PDS5A: variants seen among roughly 807,000 people sequenced by gnomAD.
PDS5A encodes the protein PDS5 cohesin associated factor A.
A neutral mutation model predicts 167.1 loss-of-function variants in PDS5A; 42 were observed. The observed-to-expected ratio is 0.25, with a 90% CI of 0.20 to 0.33. PDS5A has a LOEUF of 0.33. PDS5A is among the 10% of genes least tolerant of loss of function. PDS5A has a pLI of 1.00. For synonymous variants in PDS5A, 553 were observed against 554.6 expected (o/e 1.00, Z 0.04); for missense variants, 1,033 against 1,605.9 (o/e 0.64, Z 6.10).
At chr4:39,933,992 G>T (rs1425838989) in intron 2 of PDS5A, among the ~76,000 whole-genome samples, 3 of 152,182 alleles carry the variant, frequency 2.0e-5, no homozygotes, top group African/African-American at 7.2e-5. Context: ...GTGCGGGCAG[G>T]CACATACACA....
intron 32 of PDS5A, 97 bp from the exon 33 acceptor site, chr4:39,825,585 T>A: frequency 5.6e-5 from 10 of 177,480 alleles, no homozygotes; most frequent in Non-Finnish European, 9.6e-5. Context: ...ATCTAAAATC[T>A]TTTTTTTTTT....
At chr4:39,930,479 A>G (rs1725958110) in intron 2 of PDS5A, among the ~76,000 whole-genome samples, 1 of 151,946 alleles carries the variant, frequency 6.6e-6, no homozygotes, top group Admixed American at 6.6e-5. Flanking sequence ...CTGATTTTCT[A>G]ATTTTAATTC....
intron 11 of PDS5A, among the ~76,000 whole-genome samples, chr4:39,907,594 T>TC (rs1174428932): frequency 1.3e-5 from 2 of 151,294 alleles, no homozygotes; most frequent in African/African-American, 2.4e-5. Context: ...TCTTTTCTTT[T>TC]TTTTTTTTTT....
chr4:39,862,090 A>G, intron 26 of PDS5A, 129 bp downstream of exon 26: 1 of 394,758 alleles, frequency 2.5e-6, no homozygotes, highest in Non-Finnish European at 4.6e-6. Flanking sequence ...AATTTATAAT[A>G]AATGAATAAA....
At chr4:39,865,427 C>T (rs547161811) in intron 23 of PDS5A, among the ~76,000 whole-genome samples, 82 of 152,302 alleles carry the variant, frequency 5.4e-4, no homozygotes, top group African/African-American at 1.9e-3. Flanking sequence ...TAGTGGTGCA[C>T]ACCTATAGTC....
At position 39,866,917 on chromosome 4, in the gene PDS5A, C is replaced by A. The variant is rs1472232301; in HGVS notation, c.2586G>T (p.Arg862=). Residue 862 remains arginine (R), a synonymous_variant, in exon 23 of 33, where the codon CGG becomes CGT. Coordinates refer to ENST00000303538, the MANE Select transcript of PDS5A (RefSeq NM_001100399.2). ...NQSKSANSTL[R]LLSAMLVSEG... Reference sequence around the variant, plus strand: ...CACTAACCAACATCGCTGATAATAACCGAAGGGTTGAATTGGCAGATTTAG... The same window carrying A: ...CACTAACCAACATCGCTGATAATAAACGAAGGGTTGAATTGGCAGATTTAG... The A allele has an allele frequency of 1.2e-6, 2 of 1,613,174 alleles. No individual in the cohort carries two copies. The highest frequency in any genetic ancestry group is 8.5e-7 in the Non-Finnish European group (1 of 1,179,522).
intron 12 of PDS5A, among the ~76,000 whole-genome samples, chr4:39,902,777 C>T (rs1050676350): frequency 7.2e-5 from 11 of 152,098 alleles, no homozygotes; most frequent in South Asian, 2.1e-4. Context: ...CCTGCCTTAG[C>T]GTCCTGAAGT....
At chr4:39,936,234 T>C (rs1184222642) in intron 2 of PDS5A, among the ~76,000 whole-genome samples, 1 of 152,194 alleles carries the variant, frequency 6.6e-6, no homozygotes, top group African/African-American at 2.4e-5. Context: ...TTCAATTCAG[T>C]TCTGACACTA....
chr4:39,860,888 A>G (rs1718928237), intron 26 of PDS5A, among the ~76,000 whole-genome samples: 1 of 151,718 alleles, frequency 6.6e-6, no homozygotes. Context: ...TGGGCAACAC[A>G]GTGAGACCCC....
At chr4:39,833,191 CAAAAAA>C (rs1166233113) in intron 32 of PDS5A, among the ~76,000 whole-genome samples, 10 of 37,924 alleles carry the variant, frequency 2.6e-4, no homozygotes, top group African/African-American at 7.7e-4. Flanking sequence ...AACTCCGTCT[CAAAAAA>C]AAAAAAAAAA....
chr4:39,868,333 CATT>C (rs1347589345), intron 22 of PDS5A, among the ~76,000 whole-genome samples: 3 of 151,430 alleles, frequency 2.0e-5, no homozygotes, highest in Admixed American at 6.6e-5. Context: ...GCCAAATTAT[CATT>C]ATTATTATTT....
intron 9 of PDS5A, 22 bp downstream of exon 9, chr4:39,913,589 T>C (rs1293173243): frequency 7.8e-7 from 1 of 1,281,620 alleles, no homozygotes; most frequent in South Asian, 1.2e-5. Flanking sequence ...AATATAAACA[T>C]CAGAATTATA....
chr4:39,835,044 C>A (rs1716263584), intron 32 of PDS5A, among the ~76,000 whole-genome samples: 1 of 152,160 alleles, frequency 6.6e-6, no homozygotes, highest in South Asian at 2.1e-4. Context: ...AATCTCTGCT[C>A]ACTGCAAACT....
chr4:39,903,325 G>A (rs945188356), intron 12 of PDS5A, among the ~76,000 whole-genome samples: 6 of 152,156 alleles, frequency 3.9e-5, no homozygotes, highest in African/African-American at 1.4e-4. Context: ...CTTCTTGCTA[G>A]TACCTATTGC....
rs1233095454 is a variant in PDS5A at position 39,837,023 on chromosome 4, G to A, written c.4010+833C>T. 2.1e-5 allele frequency: 3 copies of A among 144,910 alleles called. 1 individual carries two copies. The Admixed American group carries it at 2.1e-4, about 10-fold the overall frequency. The allele number at this position is 144,910 out of a possible 1,614,324, so 9.0% of individuals were successfully genotyped here. The stretch of plus-strand genomic sequence containing the variant: ...TTTTTTTTTTTTTTAGTAGAGATGG[G>A]GTTTCACCATGTTGGTCAGGCTGGT... On this transcript the variant is annotated intron_variant, in intron 32 of 32. Coordinates refer to ENST00000303538, the MANE Select transcript of PDS5A (RefSeq NM_001100399.2).
intron 32 of PDS5A, among the ~76,000 whole-genome samples, chr4:39,826,472 T>TA (rs1257350180): frequency 2.1e-5 from 3 of 143,882 alleles, no homozygotes; most frequent in Non-Finnish European, 4.6e-5. Flanking sequence ...TCATTCCACA[T>TA]TTTTATTTAT....
intron 32 of PDS5A, among the ~76,000 whole-genome samples, chr4:39,827,010 T>A (rs1715385461): frequency 1.3e-5 from 2 of 152,128 alleles, no homozygotes; most frequent in East Asian, 3.9e-4. Context: ...TAAAGAATTT[T>A]TTTTTTTTTG....
chr4:39,838,532 G>A (rs1239500423), intron 31 of PDS5A, among the ~76,000 whole-genome samples: 2 of 152,034 alleles, frequency 1.3e-5, no homozygotes, highest in Middle Eastern at 3.4e-3. Context: ...AACAATCCCC[G>A]GCAACATAGT....
intron 32 of PDS5A, among the ~76,000 whole-genome samples, chr4:39,829,234 A>T (rs1715591655): frequency 6.6e-6 from 1 of 152,232 alleles, no homozygotes; most frequent in Non-Finnish European, 1.5e-5. Flanking sequence ...ACTCACAGGG[A>T]ATACTAGCAG....
Sources: allele counts gnomAD v4.1 joint callset (sites outside exome capture counted in the v4.1 genomes callset), GRCh38; gene constraint gnomAD v4.1.1; transcripts MANE v1.5; gene names NCBI Gene and HGNC (gene_info 2026-07-23, HGNC 2026-07-21).